Variants in BANK1 observed in about 807,000 individuals in gnomAD.
The protein encoded by BANK1 is B cell scaffold protein with ankyrin repeats 1, also known as B-cell scaffold protein with ankyrin repeats.
A neutral mutation model predicts 94.5 loss-of-function variants in BANK1; 95 were observed. The ratio of observed to expected loss-of-function variants is 1.00; its 90% CI spans 0.85 to 1.19. The LOEUF (loss-of-function observed/expected upper bound fraction) is 1.19, where lower values mean the gene tolerates loss of function less well. BANK1 is among the 50% of genes most tolerant of loss of function. The pLI, the probability that BANK1 is intolerant of heterozygous loss-of-function variation, is 0.00. For synonymous variants in BANK1, 334 were observed against 308.4 expected (o/e 1.08, Z -0.87); for missense variants, 987 against 932.2 (o/e 1.06, Z -0.77).
chr4:101,940,987 G>A (rs1417041546), intron 7 of BANK1, among the ~76,000 whole-genome samples: 2 of 151,700 alleles, frequency 1.3e-5, no homozygotes, highest in Non-Finnish European at 2.9e-5. Flanking sequence ...TGTAAAGTAT[G>A]TGGAATCCTT....
At chr4:101,986,444 T>C (rs1161537209) in intron 7 of BANK1, among the ~76,000 whole-genome samples, 1 of 151,990 alleles carries the variant, frequency 6.6e-6, no homozygotes, top group Non-Finnish European at 1.5e-5. Context: ...CCTTCTGGGG[T>C]CAGACAAAAT....
At chr4:101,825,540 A>G (rs951302380) in intron 1 of BANK1, among the ~76,000 whole-genome samples, 5 of 152,084 alleles carry the variant, frequency 3.3e-5, no homozygotes, top group South Asian at 2.1e-4. Context: ...ATCAACAACT[A>G]TCTTTGTGGC....
chr4:101,893,524 A>C (rs1269999536), intron 5 of BANK1, among the ~76,000 whole-genome samples: 1 of 152,114 alleles, frequency 6.6e-6, no homozygotes, highest in African/African-American at 2.4e-5. Context: ...AACTAATGTT[A>C]TGATTTTCAT....
rs534368491 is a variant in BANK1, at chr4:101,885,810, A to G, written c.904-9495A>G. On this transcript the variant is annotated intron_variant, in intron 5 of 16. Transcript: ENST00000322953. ...CAAACACCATGTGCAAACATCACTCAGTGTACTTATCCAAACCTAGGCTAG... is the reference window on the plus strand; with the variant it reads ...CAAACACCATGTGCAAACATCACTCGGTGTACTTATCCAAACCTAGGCTAG... 1.1e-3 allele frequency among the ~76,000 whole-genome samples: 173 copies of G among 152,354 alleles called. 4 individuals are homozygous for G. Among genetic ancestry groups the G allele is most frequent in the Middle Eastern group, 3.4e-3 (1 of 294 alleles).
intron 7 of BANK1, among the ~76,000 whole-genome samples, chr4:101,940,221 G>A (rs1027618726): frequency 1.3e-5 from 2 of 150,044 alleles, no homozygotes; most frequent in African/African-American, 2.4e-5. Flanking sequence ...TGCAATGGTA[G>A]GGACTTTTCC....
intron 6 of BANK1, among the ~76,000 whole-genome samples, chr4:101,903,288 A>T (rs1722342247): frequency 6.6e-6 from 1 of 152,160 alleles, no homozygotes. Flanking sequence ...AAGTCAGCTA[A>T]ATGGGTTTGG....
Position 101,927,087 on chromosome 4 carries a change from G to A in BANK1, c.1206+8898G>A, listed in dbSNP as rs939718437. Among the ~76,000 whole-genome samples, 13 of 151,768 alleles carry A rather than the reference G, an allele frequency of 8.6e-5. 1 individual carries two copies. Among genetic ancestry groups the A allele is most frequent in the East Asian group, 5.9e-4 (3 of 5,122 alleles). ...TTACACACTGCTATAAAGAATTGCC[G>A]GAAACTGGGTAATTTATAAAGAAAA... On this transcript the variant is annotated intron_variant, in intron 7 of 16. Transcript: ENST00000322953.
At chr4:102,058,203 A>G (rs1286735563) in intron 11 of BANK1, among the ~76,000 whole-genome samples, 3 of 152,134 alleles carry the variant, frequency 2.0e-5, no homozygotes, top group Non-Finnish European at 4.4e-5. Context: ...TGAAAAGCCC[A>G]ATTTACATTC....
At chr4:101,866,316 A>C (rs1485633515) in intron 4 of BANK1, among the ~76,000 whole-genome samples, 1 of 152,154 alleles carries the variant, frequency 6.6e-6, no homozygotes, top group African/African-American at 2.4e-5. Flanking sequence ...TGGTAAAGAG[A>C]AAAAAGTTTT....
intron 1 of BANK1, among the ~76,000 whole-genome samples, chr4:101,794,906 T>C (rs1304585056): frequency 2.0e-5 from 3 of 152,174 alleles, no homozygotes; most frequent in Non-Finnish European, 4.4e-5. Flanking sequence ...TTCATCATAC[T>C]ATGTGTCATA....
intron 7 of BANK1, among the ~76,000 whole-genome samples, chr4:101,957,627 T>C (rs1409857762): frequency 1.3e-5 from 2 of 152,224 alleles, no homozygotes; most frequent in African/African-American, 2.4e-5. Context: ...TTCCAAATTA[T>C]ATGAAAAATT....
chr4:101,796,476 G>A (rs1418096197), intron 1 of BANK1, among the ~76,000 whole-genome samples: 1 of 152,146 alleles, frequency 6.6e-6, no homozygotes, highest in African/African-American at 2.4e-5. Context: ...AATGAAATCT[G>A]TTCCTTTCAT....
intron 11 of BANK1, among the ~76,000 whole-genome samples, chr4:102,053,765 A>C (rs1728131144): frequency 6.6e-6 from 1 of 151,946 alleles, no homozygotes; most frequent in African/African-American, 2.4e-5. Context: ...ATAAAGAAAA[A>C]TACGTAATGT....
chr4:101,790,875 G>A lies in BANK1; in HGVS notation c.-6G>A, dbSNP rs919659605. 3.3e-6 allele frequency: 5 copies of A among 1,538,108 alleles called. No individual in the cohort carries two copies. Among genetic ancestry groups the A allele is most frequent in the Non-Finnish European group, 4.4e-6 (5 of 1,146,562 alleles). ...GTGCGCAGGCCCCTCGGCTTCAACCGCCACAATGCTGCCAGCAGCGCCAGG... is the reference window on the plus strand; with the variant it reads ...GTGCGCAGGCCCCTCGGCTTCAACCACCACAATGCTGCCAGCAGCGCCAGG... On this transcript the variant is annotated 5_prime_UTR_variant, in exon 1 of 17. Transcript: ENST00000322953.
intron 7 of BANK1, among the ~76,000 whole-genome samples, chr4:102,013,794 A>G (rs921486134): frequency 6.6e-6 from 1 of 152,080 alleles, no homozygotes; most frequent in African/African-American, 2.4e-5. Context: ...ATAATTGAAT[A>G]TAAATTTTCA....
intron 5 of BANK1, among the ~76,000 whole-genome samples, chr4:101,882,247 CA>C (rs887515768): frequency 2.6e-5 from 4 of 151,556 alleles, no homozygotes; most frequent in African/African-American, 9.7e-5. Context: ...AAAAACAAAA[CA>C]AAAAAAGATA....
intron 7 of BANK1, among the ~76,000 whole-genome samples, chr4:101,946,024 T>C (rs1723915189): frequency 6.6e-6 from 1 of 151,998 alleles, no homozygotes; most frequent in Non-Finnish European, 1.5e-5. Flanking sequence ...CTTTACCTTG[T>C]AGAAAATTCA....
rs1307334465 is a variant in BANK1, at chr4:102,060,248, C to T, written c.2007C>T (p.Leu669=). The change falls in exon 12 of 17, where the codon CTC becomes CTT. Residue 669 remains leucine (L), a synonymous_variant. Transcript: ENST00000322953. ...ARIESPAFST[L]RGCLTDGQEE... is the part of the protein sequence containing the mutation. ...TAGAGAGTCCAGCCTTTTCTACTCT[C>T]AGGGGCTGTCTAACTGATGGTCAGG... is the stretch of plus-strand genomic sequence containing the variant. 3.7e-6 allele frequency: 6 copies of T among 1,603,172 alleles called. No homozygotes were observed. The highest frequency in any genetic ancestry group is 1.8e-5 in the Admixed American group (1 of 56,734).
At chr4:101,908,792 A>G (rs1046487524) in intron 6 of BANK1, among the ~76,000 whole-genome samples, 1 of 152,266 alleles carries the variant, frequency 6.6e-6, no homozygotes, top group Non-Finnish European at 1.5e-5. Flanking sequence ...TGCAGCCAAC[A>G]GACACATGAG....
Sources: allele counts gnomAD v4.1 joint callset (sites outside exome capture counted in the v4.1 genomes callset), GRCh38; gene constraint gnomAD v4.1.1; transcripts MANE v1.5; gene names NCBI Gene and HGNC (gene_info 2026-07-23, HGNC 2026-07-21).